Variants in FOXN3 observed in about 807,000 individuals in gnomAD.
The protein encoded by FOXN3 is forkhead box protein N3.
FOXN3 carries 7 observed loss-of-function variants against 38.4 expected under a neutral mutation model. The ratio of observed to expected loss-of-function variants is 0.18; its 90% CI spans 0.10 to 0.34. The LOEUF (loss-of-function observed/expected upper bound fraction) is 0.34, where lower values mean the gene tolerates loss of function less well. Among genes scored for constraint, FOXN3 ranks in the 10% least tolerant of loss-of-function variants. FOXN3 has a pLI of 1.00. For synonymous variants in FOXN3, 230 were observed against 242.2 expected, an observed-to-expected ratio of 0.95 and a Z score of 0.47; for missense variants, 456 against 613.4, an observed-to-expected ratio of 0.74 and a Z score of 2.71.
intron 2 of FOXN3, among the ~76,000 whole-genome samples, chr14:89,374,968 C>T (rs956534648): frequency 1.4e-5 from 2 of 145,670 alleles, no homozygotes; most frequent in African/African-American, 5.2e-5. Context: ...CAGAGTGAGA[C>T]TCCGTCTCAG....
At chr14:89,461,837 C>T (rs17798891) in intron 1 of FOXN3, among the ~76,000 whole-genome samples, 2,415 of 152,176 alleles carry the variant, frequency 0.016, 35 homozygotes, top group Non-Finnish European at 0.022. Flanking sequence ...TATTCCAGAA[C>T]TTGAGGGCCA....
chr14:89,371,865 T>G (rs1002655083), intron 2 of FOXN3, among the ~76,000 whole-genome samples: 3 of 152,126 alleles, frequency 2.0e-5, no homozygotes, highest in African/African-American at 7.2e-5. Flanking sequence ...CCCAGCTACT[T>G]TCTCCTCTGG....
intron 3 of FOXN3, among the ~76,000 whole-genome samples, chr14:89,333,866 T>C (rs1359477612): frequency 1.3e-5 from 2 of 150,242 alleles, no homozygotes; most frequent in East Asian, 1.9e-4. Flanking sequence ...TATATCTGCA[T>C]GGCACTCTCA....
At chr14:89,356,591 T>C (rs1000036917) in intron 2 of FOXN3, 24 of 152,138 alleles carry the variant, frequency 1.6e-4, no homozygotes, top group African/African-American at 5.8e-4. Context: ...GAGCTGGGTG[T>C]GTGTTGGTGA....
intron 3 of FOXN3, among the ~76,000 whole-genome samples, chr14:89,309,713 G>A (rs1205407197): frequency 6.6e-6 from 1 of 152,104 alleles, no homozygotes; most frequent in Non-Finnish European, 1.5e-5. Flanking sequence ...ACAGGGGTGC[G>A]ACGGAACCAT....
intron 4 of FOXN3, among the ~76,000 whole-genome samples, chr14:89,187,872 T>C (rs920696445): frequency 6.6e-6 from 1 of 152,146 alleles, no homozygotes; most frequent in Non-Finnish European, 1.5e-5. Context: ...ACCTGCTCCT[T>C]GACTGTACTT....
chr14:89,448,832 C>T (rs1892561230), intron 1 of FOXN3, among the ~76,000 whole-genome samples: 1 of 151,806 alleles, frequency 6.6e-6, no homozygotes, highest in African/African-American at 2.4e-5. Context: ...GTCCCAGCTA[C>T]TCAGGAGACT....
intron 2 of FOXN3, among the ~76,000 whole-genome samples, chr14:89,394,761 G>A (rs929324054): frequency 3.9e-5 from 6 of 152,184 alleles, no homozygotes; most frequent in Admixed American, 1.3e-4. Context: ...CTCTAATCCC[G>A]GGGTCCCATT....
At chr14:89,211,660 G>A (rs1015714847) in intron 4 of FOXN3, among the ~76,000 whole-genome samples, 1 of 152,194 alleles carries the variant, frequency 6.6e-6, no homozygotes, top group Non-Finnish European at 1.5e-5. Flanking sequence ...TCTTTTAGGA[G>A]TGGATTATAC....
intron 1 of FOXN3, among the ~76,000 whole-genome samples, chr14:89,482,327 G>C (rs1893348908): frequency 6.6e-6 from 1 of 152,216 alleles, no homozygotes; most frequent in Non-Finnish European, 1.5e-5. Flanking sequence ...AAGCACTGAA[G>C]AGTGTGTGTG....
At chr14:89,506,699 GAA>G (rs1893948064) in intron 1 of FOXN3, among the ~76,000 whole-genome samples, 1 of 152,230 alleles carries the variant, frequency 6.6e-6, no homozygotes, top group African/African-American at 2.4e-5. Context: ...GAAAGGTGGG[GAA>G]AAGATTGAGA....
intron 1 of FOXN3, among the ~76,000 whole-genome samples, chr14:89,596,304 A>T (rs945623434): frequency 1.3e-5 from 2 of 151,986 alleles, no homozygotes; most frequent in Admixed American, 1.3e-4. Context: ...AGCCTAGCTC[A>T]TTTTTGTAGT....
chr14:89,465,373 G>A (rs541634142), intron 1 of FOXN3, among the ~76,000 whole-genome samples: 1 of 152,262 alleles, frequency 6.6e-6, no homozygotes, highest in East Asian at 1.9e-4. Context: ...GGGACTACAG[G>A]CACCCGCCAC....
chr14:89,309,766 A>T (rs922175538), intron 3 of FOXN3, among the ~76,000 whole-genome samples: 3 of 152,092 alleles, frequency 2.0e-5, no homozygotes, highest in Non-Finnish European at 4.4e-5. Context: ...GCCTCACCTC[A>T]CTCAGTAAAA....
chr14:89,542,599 T>C (rs563816668), intron 1 of FOXN3, among the ~76,000 whole-genome samples: 1 of 152,348 alleles, frequency 6.6e-6, no homozygotes, highest in South Asian at 2.1e-4. Flanking sequence ...TTCTGCATCT[T>C]TTCTACATTT....
At chr14:89,450,668 A>C (rs7141368) in intron 1 of FOXN3, among the ~76,000 whole-genome samples, 107,372 of 151,252 alleles carry the variant, frequency 0.71, 38,505 homozygotes, top group Middle Eastern at 0.81. Context: ...TCACTGTAAC[A>C]TCCGCCTCCA....
In FOXN3 at chr14:89,496,250, T is replaced by C. The variant is rs533783350; in HGVS notation, c.-14-83760A>G. Among the ~76,000 whole-genome samples the C allele has an allele frequency of 5.3e-5, 8 of 152,210 alleles. 1 individual carries two copies. The East Asian group carries it at 1.5e-3, about 29-fold the overall frequency. On this transcript the variant is annotated intron_variant, in intron 1 of 6. Transcript: ENST00000345097. ...ACTTGACTAGAGTTAACAATAGTTA[T>C]AAAAGGATAGATACTAAGTATCAGA...
chr14:89,570,242 G>A (rs139143113), intron 1 of FOXN3, among the ~76,000 whole-genome samples: 7,254 of 152,058 alleles, frequency 0.048, 538 homozygotes, highest in African/African-American at 0.16. Flanking sequence ...CTCGTGATCC[G>A]CCTGCCTCAG....
chr14:89,234,451 T>G (rs571300948), intron 4 of FOXN3, among the ~76,000 whole-genome samples: 7 of 152,110 alleles, frequency 4.6e-5, no homozygotes, highest in Non-Finnish European at 1.0e-4. Flanking sequence ...CCAAATCTCA[T>G]GTTGAATTGA....
Sources: gnomAD v4.1 joint callset for allele counts (sites outside exome capture counted in the v4.1 genomes callset) on GRCh38, gnomAD v4.1.1 for gene constraint, MANE v1.5 for transcripts, NCBI Gene and HGNC (gene_info 2026-07-23, HGNC 2026-07-21) for gene names.